Variants in LRRC51 observed in about 807,000 individuals in gnomAD.
LRRC51 encodes leucine rich repeat containing 51.
A neutral mutation model predicts 17.8 loss-of-function variants in LRRC51; 8 were observed. That is an observed-to-expected ratio of 0.45 (90% CI 0.26 to 0.81). The LOEUF (loss-of-function observed/expected upper bound fraction) is 0.81. Ranked by LOEUF, LRRC51 falls within the 30% of genes least tolerant of loss-of-function variation. The pLI is 0.17. For synonymous variants in LRRC51, 92 were observed against 96.0 expected (o/e 0.96, Z 0.24); for missense variants, 233 against 239.3 (o/e 0.97, Z 0.17).
intron 2 of LRRC51, chr11:72,088,784 G>A (rs1465446038): frequency 3.1e-5 from 16 of 520,338 alleles, no homozygotes; most frequent in Admixed American, 1.9e-4. Context: ...TCTTCATCTG[G>A]CATTTTCCAG....
At chr11:72,092,353 C>A (rs971845751) in intron 3 of LRRC51, among the ~76,000 whole-genome samples, 1 of 152,224 alleles carries the variant, frequency 6.6e-6, no homozygotes, top group Non-Finnish European at 1.5e-5. Context: ...CCAGTTAATA[C>A]AACTGGCAAC....
intron 1 of LRRC51, chr11:72,086,193 C>T: frequency 1.7e-6 from 1 of 573,518 alleles, no homozygotes. Context: ...AGAGGCTACA[C>T]TAGAACTGAG....
At chr11:72,081,909 A>G (rs1290696340) in intron 1 of LRRC51, among the ~76,000 whole-genome samples, 1 of 152,110 alleles carries the variant, frequency 6.6e-6, no homozygotes, top group African/African-American at 2.4e-5. Flanking sequence ...ATTTATCTTC[A>G]TTTCACAGAT....
At chr11:72,095,188 C>A in intron 5 of LRRC51, 92 bp downstream of exon 5, 2 of 1,569,834 alleles carry the variant, frequency 1.3e-6, no homozygotes, top group East Asian at 4.6e-5. Flanking sequence ...ATTCTTCTGC[C>A]ATGCTTGGAC....
chr11:72,084,313 G>A (rs944829214), intron 1 of LRRC51, among the ~76,000 whole-genome samples: 6 of 152,152 alleles, frequency 3.9e-5, no homozygotes, highest in Admixed American at 2.0e-4. Flanking sequence ...CAACTTGCCT[G>A]AGAGAGGGCA....
chr11:72,093,692 CA>C lies in LRRC51; in HGVS notation c.280del (p.Ile94LeufsTer5). On this transcript the variant is annotated frameshift_variant, in exon 4 of 6. Coordinates refer to ENST00000289488, the MANE Select transcript of LRRC51 (RefSeq NM_145309.6). LOFTEE classifies it high-confidence loss of function. Reference protein sequence around the residue: ...IDLSFNDLTSIDPVLTTFFNL... With the variant: ...IDLSFNDLTSXDPVLTTFFNL... ...ACCTGTCCTTTAATGACCTGACTTC[CA>C]TTGACCCTGTGAGTTCCTAACAGTA... 6.2e-7 allele frequency: 1 copy of C among 1,614,212 alleles called. No individual in the cohort carries two copies. Among genetic ancestry groups the C allele is most frequent in the Non-Finnish European group, 8.5e-7 (1 of 1,180,042 alleles).
At chr11:72,094,470 T>C (rs80348798) in intron 4 of LRRC51, 6 of 562,172 alleles carry the variant, frequency 1.1e-5, no homozygotes, top group Admixed American at 6.4e-5. Context: ...TTTTAAGAAA[T>C]AAAGTTTGGC....
At position 72,093,572 on chromosome 11, in the gene LRRC51, C is replaced by A. The variant is rs775331138; in HGVS notation, c.159C>A (p.Ser53=). 2 of 1,614,188 alleles carry A rather than the reference C, an allele frequency of 1.2e-6. No individual in the cohort carries two copies. Among genetic ancestry groups the A allele is most frequent in the Non-Finnish European group, 1.7e-6 (2 of 1,180,038 alleles). The change falls in exon 4 of 6, where the codon TCC becomes TCA. Residue 53 remains serine (S), a synonymous_variant. Coordinates refer to ENST00000289488, the MANE Select transcript of LRRC51 (RefSeq NM_145309.6). ...AGTCGGGGAAATCACTGACCCAGTCCCTGTGGCTGAATAACAATGTTCTCA... is the reference window on the plus strand; with the variant it reads ...AGTCGGGGAAATCACTGACCCAGTCACTGTGGCTGAATAACAATGTTCTCA... ...RSKSGKSLTQ[S]LWLNNNVLND...
chr11:72,086,412 C>T, intron 1 of LRRC51: 1 of 702,268 alleles, frequency 1.4e-6, no homozygotes, highest in Non-Finnish European at 2.6e-6. Flanking sequence ...GAATATCTTA[C>T]TGTGAACAAG....
Position 72,095,103 on chromosome 11 carries a change from G to T in LRRC51, c.437+7G>T. 6.2e-7 allele frequency: 1 copy of T among 1,613,348 alleles called. No individual in the cohort carries two copies. Among genetic ancestry groups the T allele is most frequent in the South Asian group, 1.1e-5 (1 of 91,070 alleles). On this transcript the variant is annotated splice_region_variant and intron_variant, in intron 5 of 5. Transcript: ENST00000289488. ...AGGAAGAGAAAGGGTATAGGTAAGT[G>T]CCCTGCCCCTGGAGGTAGCGTCTAG...
At position 72,095,544 on chromosome 11, in the gene LRRC51, T is replaced by C; in HGVS notation, c.*24T>C. 1 of 1,611,074 alleles carries C rather than the reference T, an allele frequency of 6.2e-7. No individual in the cohort carries two copies. The highest frequency in any genetic ancestry group is 8.5e-7 in the Non-Finnish European group (1 of 1,178,446). On this transcript the variant is annotated 3_prime_UTR_variant, in exon 6 of 6. Transcript: ENST00000289488. ...GAGGCTCCCACGACCCTAGTAGTCCTAAAGGCCTAAGCATAGACAGCATGG... is the reference window on the plus strand; with the variant it reads ...GAGGCTCCCACGACCCTAGTAGTCCCAAAGGCCTAAGCATAGACAGCATGG...
At chr11:72,089,411 A>G in intron 3 of LRRC51, 1 of 1,433,474 alleles carries the variant, frequency 7.0e-7, no homozygotes, top group African/African-American at 1.4e-5. Flanking sequence ...TGTTTTTTTT[A>G]AGCAGCAAAT....
chr11:72,086,350 C>CT, intron 1 of LRRC51: 1 of 693,922 alleles, frequency 1.4e-6, no homozygotes. Flanking sequence ...TTCATTTCTT[C>CT]TGGTCAGGCA....
At position 72,096,842 on chromosome 11, in the gene LRRC51, T is replaced by C; in HGVS notation, c.*1322T>C. 7.9e-7 allele frequency: 1 copy of C among 1,273,368 alleles called. No homozygotes were observed. The highest frequency in any genetic ancestry group is 1.5e-5 in the African/African-American group (1 of 64,874). The allele number at this position is 1,273,368 out of a possible 1,614,324, so 78.9% of individuals were successfully genotyped here. ...CAAAGTAATTCCATTCTGTTTTATA[T>C]GCTGGGATTCTGCTTAAGATTTCAT... is the stretch of plus-strand genomic sequence containing the variant. On this transcript the variant is annotated 3_prime_UTR_variant, in exon 6 of 6. Coordinates refer to ENST00000289488, the MANE Select transcript of LRRC51 (RefSeq NM_145309.6).
At chr11:72,081,801 T>A (rs1324034778) in intron 1 of LRRC51, among the ~76,000 whole-genome samples, 1 of 152,194 alleles carries the variant, frequency 6.6e-6, no homozygotes, top group African/African-American at 2.4e-5. Context: ...AGCTTCATTT[T>A]TTTTAGTACT....
At position 72,094,211 on chromosome 11, in the gene LRRC51, A is replaced by G. The variant is rs543622534; in HGVS notation, c.288+510A>G. Among the ~76,000 whole-genome samples, 565 of 151,514 alleles carry G rather than the reference A, an allele frequency of 3.7e-3. 4 individuals carry two copies. The highest frequency in any genetic ancestry group is 0.013 in the African/African-American group (546 of 41,306). On this transcript the variant is annotated intron_variant, in intron 4 of 5. Transcript: ENST00000289488. ...TGAGGCAGGAGAATCACTTGAACCCAGGAGGCAGAGGTTGCAGTGAGCCGA... is the reference window on the plus strand; with the variant it reads ...TGAGGCAGGAGAATCACTTGAACCCGGGAGGCAGAGGTTGCAGTGAGCCGA...
rs1944413992 is a variant in LRRC51, at chr11:72,084,490, C to T, written c.-140+3605C>T. Among the ~76,000 whole-genome samples, 4 of 152,218 alleles carry T rather than the reference C, an allele frequency of 2.6e-5. No individual in the cohort carries two copies. In the South Asian group the frequency reaches 8.3e-4, roughly 32 times the overall value. On this transcript the variant is annotated intron_variant, in intron 1 of 5. Transcript: ENST00000289488. ...TATTAAAAAGGGTAATAGTCTACAACAATTTGAAAATTAAAAAATAGGTTT... is the reference window on the plus strand; with the variant it reads ...TATTAAAAAGGGTAATAGTCTACAATAATTTGAAAATTAAAAAATAGGTTT...
intron 3 of LRRC51, among the ~76,000 whole-genome samples, chr11:72,090,227 GTTT>G (rs994033588): frequency 3.9e-5 from 6 of 152,280 alleles, no homozygotes; most frequent in African/African-American, 1.4e-4. Context: ...TTCACAAGGG[GTTT>G]TAGCTGCAAT....
chr11:72,094,435 T>TA, intron 4 of LRRC51: 1 of 528,494 alleles, frequency 1.9e-6, no homozygotes, highest in Non-Finnish European at 3.4e-6. Flanking sequence ...GTACAGCACT[T>TA]ACTTTCTGTG....
Sources: gnomAD v4.1 joint callset for allele counts (sites outside exome capture counted in the v4.1 genomes callset) on GRCh38, gnomAD v4.1.1 for gene constraint, MANE v1.5 for transcripts, NCBI Gene and HGNC (gene_info 2026-07-23, HGNC 2026-07-21) for gene names.